The following SLC2A5 variants were observed in gnomAD, a reference collection of about 807,000 sequenced individuals.
SLC2A5 encodes solute carrier family 2, facilitated glucose transporter member 5.
SLC2A5 carries 56 observed loss-of-function variants against 50.3 expected under a neutral mutation model. That is an observed-to-expected ratio of 1.11 (90% confidence interval 0.90 to 1.39). SLC2A5 has a LOEUF of 1.39. SLC2A5 is among the 40% of genes most tolerant of loss of function. The pLI is 0.00. For missense variants in SLC2A5, 566 were observed against 650.1 expected (o/e 0.87, Z 1.41); for synonymous variants, 269 against 281.9 (o/e 0.95, Z 0.46).
At position 9,047,616 on chromosome 1, in the gene SLC2A5, A is replaced by G; in HGVS notation, c.412T>C (p.Cys138Arg). 1.2e-6 allele frequency: 2 copies of G among 1,613,800 alleles called. No individual in the cohort carries two copies. Reference sequence around the variant, plus strand: ...ACAGCATAGCATTGTTTACCTGCACATATTCCCACCAAAAGTCTGGAAATA... The same window carrying G: ...ACAGCATAGCATTGTTTACCTGCACGTATTCCCACCAAAAGTCTGGAAATA... ...IIISRLLVGI[C>R]AGVSSNVVPM... The change falls in exon 4 of 12, where the codon TGT becomes CGT. Residue 138 changes from cysteine (C) to arginine (R), a missense_variant. Coordinates refer to ENST00000377424, the MANE Select transcript of SLC2A5 (RefSeq NM_003039.3).
chr1:9,056,104 C>T (rs2124398280), intron 3 of SLC2A5, among the ~76,000 whole-genome samples: 1 of 152,290 alleles, frequency 6.6e-6, no homozygotes, highest in African/African-American at 2.4e-5. Flanking sequence ...TGTTCTGCTC[C>T]ATGAGGGCCC....
chr1:9,092,576 C>T (rs1430108800), upstream of SLC2A5, among the ~76,000 whole-genome samples: 1 of 152,144 alleles, frequency 6.6e-6, no homozygotes, highest in African/African-American at 2.4e-5. Flanking sequence ...ATTGATTTTA[C>T]CCATATGCCC....
chr1:9,062,635 G>A (rs1194690721), intron 1 of SLC2A5, among the ~76,000 whole-genome samples: 1 of 152,134 alleles, frequency 6.6e-6, no homozygotes, highest in Non-Finnish European at 1.5e-5. Flanking sequence ...AGTTTGGGAG[G>A]CCAAGGCGGG....
Position 9,059,333 on chromosome 1 carries a change from C to T in SLC2A5, c.34-1083G>A, listed in dbSNP as rs560722240. 1.5e-4 allele frequency among the ~76,000 whole-genome samples: 22 copies of T among 151,080 alleles called. No homozygotes were observed. In the East Asian group the frequency reaches 2.0e-3, roughly 13 times the overall value. ...AATTTTTTGTATTTTTTAGTAGAGA[C>T]GGGGTTTCACTGTGTTAGCCAGGAT... On this transcript the variant is annotated intron_variant, in intron 1 of 11. Transcript: ENST00000377424.
At chr1:9,052,240 T>C (rs565179557) in intron 3 of SLC2A5, among the ~76,000 whole-genome samples, 5 of 152,112 alleles carry the variant, frequency 3.3e-5, no homozygotes, top group African/African-American at 9.6e-5. Flanking sequence ...GCCGAGATTG[T>C]GCCTCTGCAC....
At chr1:9,055,059 A>T (rs1641715277) in intron 3 of SLC2A5, among the ~76,000 whole-genome samples, 1 of 152,248 alleles carries the variant, frequency 6.6e-6, no homozygotes, top group South Asian at 2.1e-4. Context: ...ATAAAGCAAC[A>T]GATTGAGAAG....
chr1:9,059,132 C>CTTTTTTTT lies in SLC2A5; in HGVS notation c.34-883_34-882insAAAAAAAA, dbSNP rs1416919220. ...TCTACTCTGATGGACAGCCGCCTTT[C>CTTTTTTTT]TTTCTTTTTTTTTTTTTTTTTTTTT... is the stretch of plus-strand genomic sequence containing the variant. On this transcript the variant is annotated intron_variant, in intron 1 of 11. Transcript: ENST00000377424. Among the ~76,000 whole-genome samples, 9 of 80,362 alleles carry CTTTTTTTT rather than the reference C, an allele frequency of 1.1e-4. 2 individuals carry two copies. The highest frequency in any genetic ancestry group is 1.1e-4 in the African/African-American group (2 of 17,964). 52.7% of individuals were successfully genotyped at this position (80,362 alleles called of 152,430 possible).
chr1:9,068,295 G>A (rs1432668020), intron 1 of SLC2A5, among the ~76,000 whole-genome samples: 2 of 150,388 alleles, frequency 1.3e-5, no homozygotes, highest in Non-Finnish European at 2.9e-5. Flanking sequence ...TCATTTAATT[G>A]CTCCAGCACC....
At chr1:9,089,769 G>A (rs1557688026), upstream of SLC2A5, among the ~76,000 whole-genome samples, 1 of 152,138 alleles carries the variant, frequency 6.6e-6, no homozygotes, top group Non-Finnish European at 1.5e-5. Context: ...TGCCCCCAAT[G>A]GGAACACCTT....
At chr1:9,079,449 A>G (rs1218460840) in intron 2 of SLC2A5, among the ~76,000 whole-genome samples, 11 of 152,108 alleles carry the variant, frequency 7.2e-5, no homozygotes, top group African/African-American at 2.2e-4. Flanking sequence ...TCGGTTACAC[A>G]TTACCCTGGA....
At chr1:9,057,018 G>A (rs1285181142) in intron 3 of SLC2A5, among the ~76,000 whole-genome samples, 1 of 152,178 alleles carries the variant, frequency 6.6e-6, no homozygotes, top group Non-Finnish European at 1.5e-5. Context: ...CCGGCCAGGC[G>A]CAGTGGCTCA....
chr1:9,059,181 C>T (rs12353934), intron 1 of SLC2A5, among the ~76,000 whole-genome samples: 86,316 of 120,804 alleles, frequency 0.71, 32,080 homozygotes, highest in East Asian at 0.96. Flanking sequence ...CTTGCTCTGT[C>T]ACCCAGGCTG....
At chr1:9,041,710 G>C (rs774980417) in intron 5 of SLC2A5, 75 bp downstream of exon 5, 1 of 1,612,862 alleles carries the variant, frequency 6.2e-7, no homozygotes, top group Non-Finnish European at 8.5e-7. Context: ...CTGTGGTGGT[G>C]GCTTTGGAAC....
At position 9,077,660 on chromosome 1, in the gene SLC2A5, C is replaced by T. The variant is rs914851758; in HGVS notation, c.-59+7354G>A. Among the ~76,000 whole-genome samples, 6 of 147,072 alleles carry T rather than the reference C, an allele frequency of 4.1e-5. No homozygotes were observed. In the South Asian group the frequency reaches 8.7e-4, roughly 21 times the overall value. On this transcript the variant is annotated intron_variant, in intron 2 of 5. Transcript: ENST00000464985. ...ATTCCAGCTACTCGGGAGGCTGAGG[C>T]GGGAGAATCATTTGAACCTGGTTGC...
intron 1 of SLC2A5, among the ~76,000 whole-genome samples, chr1:9,059,438 T>C (rs538247416): frequency 9.2e-5 from 14 of 151,756 alleles, no homozygotes; most frequent in East Asian, 3.9e-4. Context: ...CCACCACGCC[T>C]GGCCAGAGAG....
chr1:9,047,501 C>G, intron 4 of SLC2A5, 109 bp downstream of exon 4: 2 of 1,161,092 alleles, frequency 1.7e-6, no homozygotes, highest in Non-Finnish European at 2.5e-6. Flanking sequence ...GGTATAGGAA[C>G]GCTTTCTACA....
intron 1 of SLC2A5, among the ~76,000 whole-genome samples, chr1:9,066,805 C>A (rs1451212498): frequency 6.6e-6 from 1 of 151,540 alleles, no homozygotes; most frequent in Non-Finnish European, 1.5e-5. Context: ...TAGTGAGACC[C>A]CGTCTCTTCA....
At chr1:9,090,470 T>G (rs1200034801), upstream of SLC2A5, among the ~76,000 whole-genome samples, 1 of 152,116 alleles carries the variant, frequency 6.6e-6, no homozygotes, top group African/African-American at 2.4e-5. Flanking sequence ...TCCCCACCCA[T>G]TCTTCCCACA....
At position 9,036,911 on chromosome 1, in the gene SLC2A5, C is replaced by G. The variant is rs1641147335; in HGVS notation, c.*675G>C. 6.6e-6 allele frequency: 1 copy of G among 151,656 alleles called. No individual in the cohort carries two copies. The highest frequency in any genetic ancestry group is 2.4e-5 in the African/African-American group (1 of 41,286). 9.4% of individuals were successfully genotyped at this position (151,656 alleles called of 1,614,324 possible). A position where few individuals can be genotyped will look rare whatever the true frequency, so the allele number is the denominator to read the frequency against. ...TGAATGAGCAGGGAACTTCCTCCTG[C>G]CTTCTACTTGCTCAAAGAACAGCAG... On this transcript the variant is annotated 3_prime_UTR_variant, in exon 12 of 12. Coordinates refer to ENST00000377424, the MANE Select transcript of SLC2A5 (RefSeq NM_003039.3).
Sources: allele counts gnomAD v4.1 joint callset (sites outside exome capture counted in the v4.1 genomes callset), GRCh38; gene constraint gnomAD v4.1.1; transcripts MANE v1.5; gene names NCBI Gene and HGNC (gene_info 2026-07-23, HGNC 2026-07-21).